WASF2: variants seen among roughly 807,000 people sequenced by gnomAD.
The protein encoded by WASF2 is actin-binding protein WASF2.
A neutral mutation model predicts 45.0 loss-of-function variants in WASF2; 14 were observed. The observed-to-expected ratio is 0.31, with a 90% confidence interval of 0.21 to 0.49. The LOEUF is 0.49. Among genes scored for constraint, WASF2 ranks in the 20% least tolerant of loss-of-function variants. The pLI, the probability that WASF2 is intolerant of heterozygous loss-of-function variation, is 0.99. For missense variants in WASF2, 439 were observed against 636.1 expected, an observed-to-expected ratio of 0.69 and a Z score of 3.33; for synonymous variants, 200 against 236.3, an observed-to-expected ratio of 0.85 and a Z score of 1.41.
At chr1:27,442,379 A>G (rs2017249258) in intron 1 of WASF2, among the ~76,000 whole-genome samples, 1 of 151,936 alleles carries the variant, frequency 6.6e-6, no homozygotes, top group South Asian at 2.1e-4. Context: ...CCCCGTCTCT[A>G]CTAAAAATAC....
rs547081560 is a variant in WASF2, at chr1:27,444,359, C to T, written c.-43-15426G>A. On this transcript the variant is annotated intron_variant, in intron 1 of 8. Coordinates refer to ENST00000618852, the MANE Select transcript of WASF2 (RefSeq NM_006990.5). ...CCTTCCAAAGAGCTGGGATTACAGG[C>T]GTAAACCACCATGGCCAACCTAGGA... Among the ~76,000 whole-genome samples, 17 of 152,252 alleles carry T rather than the reference C, an allele frequency of 1.1e-4. 1 individual carries two copies. The highest frequency in any genetic ancestry group is 3.1e-4 in the African/African-American group (13 of 41,536).
intron 2 of WASF2, among the ~76,000 whole-genome samples, chr1:27,427,675 A>G (rs2017004509): frequency 6.7e-6 from 1 of 148,984 alleles, no homozygotes; most frequent in African/African-American, 2.4e-5. Flanking sequence ...ATCTGGTCAT[A>G]GAGTTCTGTC....
Position 27,409,734 on chromosome 1 carries a change from C to T in WASF2, c.1297G>A (p.Val433Met), listed in dbSNP as rs1471540599. ...AGCAGGTCGCTACGGGCATCGCTCA[C>T]GGCAGGCAAGGAGGACTTGGGCTTG... ...TTKPKSSLPA[V>M]SDARSDLLSA... The change falls in exon 8 of 9, where the codon GTG becomes ATG. Residue 433 changes from valine to methionine, a missense_variant. Coordinates refer to ENST00000618852, the MANE Select transcript of WASF2 (RefSeq NM_006990.5). 2.7e-5 allele frequency: 41 copies of T among 1,516,970 alleles called. No homozygotes were observed. Among genetic ancestry groups the T allele is most frequent in the East Asian group, 1.8e-4 (8 of 43,750 alleles). The allele number at this position is 1,516,970 out of a possible 1,614,324, so 94.0% of individuals were successfully genotyped here.
intron 3 of WASF2, 87 bp downstream of exon 3, chr1:27,418,867 G>GT (rs74321458): frequency 0.14 from 137,859 of 966,856 alleles, 1 homozygote; most frequent in South Asian, 0.19. Context: ...CTCTCCTCAC[G>GT]TTTTTTTTTT....
chr1:27,409,565 C>CT (rs1327769497), intron 8 of WASF2, 127 bp downstream of exon 8: 1 of 1,286,898 alleles, frequency 7.8e-7, no homozygotes, highest in African/African-American at 1.5e-5. Context: ...ATGTCCCAAT[C>CT]TCTCCCCACC....
intron 1 of WASF2, among the ~76,000 whole-genome samples, chr1:27,455,227 C>G (rs921254929): frequency 2.0e-5 from 3 of 152,032 alleles, no homozygotes; most frequent in African/African-American, 7.2e-5. Context: ...AGCACCCCAC[C>G]CCTTTTCATA....
intron 1 of WASF2, among the ~76,000 whole-genome samples, chr1:27,487,495 A>ATT (rs1557626404): frequency 2.1e-5 from 2 of 97,068 alleles, no homozygotes; most frequent in Non-Finnish European, 4.0e-5. Context: ...TATATTATAT[A>ATT]ATATTATAAT....
intron 1 of WASF2, among the ~76,000 whole-genome samples, chr1:27,473,065 A>G (rs2017713832): frequency 6.6e-6 from 1 of 151,980 alleles, no homozygotes; most frequent in South Asian, 2.1e-4. Flanking sequence ...ACAGAATGGG[A>G]GAAAATCTTT....
At chr1:27,431,668 A>C (rs2148113436) in intron 1 of WASF2, among the ~76,000 whole-genome samples, 2 of 152,314 alleles carry the variant, frequency 1.3e-5, no homozygotes, top group South Asian at 4.1e-4. Flanking sequence ...CCCTCTGGAT[A>C]CCTAATGGAA....
At chr1:27,444,075 G>T (rs1322979365) in intron 1 of WASF2, among the ~76,000 whole-genome samples, 1 of 152,108 alleles carries the variant, frequency 6.6e-6, no homozygotes, top group Non-Finnish European at 1.5e-5. Context: ...CACCGCGCCT[G>T]GCCTTAGTTG....
intron 1 of WASF2, among the ~76,000 whole-genome samples, chr1:27,432,647 C>CTAAAA (rs2017082221): frequency 3.9e-5 from 2 of 51,384 alleles, no homozygotes; most frequent in African/African-American, 8.9e-5. Flanking sequence ...AACTCTGTCT[C>CTAAAA]AAAAAAAAAA....
chr1:27,425,351 G>A (rs565452219), intron 2 of WASF2, among the ~76,000 whole-genome samples: 1 of 152,284 alleles, frequency 6.6e-6, no homozygotes, highest in South Asian at 2.1e-4. Flanking sequence ...GCCTCCTAGA[G>A]TACTGGGATT....
intron 2 of WASF2, among the ~76,000 whole-genome samples, chr1:27,421,202 A>G (rs1557599326): frequency 1.3e-5 from 2 of 152,240 alleles, no homozygotes; most frequent in Non-Finnish European, 2.9e-5. Context: ...TTGGCTGACA[A>G]GCATTTCTAC....
intron 1 of WASF2, among the ~76,000 whole-genome samples, chr1:27,448,773 C>A (rs1371685442): frequency 2.1e-5 from 3 of 141,446 alleles, no homozygotes; most frequent in African/African-American, 8.0e-5. Context: ...ACCTGTGAGG[C>A]GGAGGTAGCA....
At chr1:27,442,442 G>A (rs1045735719) in intron 1 of WASF2, among the ~76,000 whole-genome samples, 1 of 151,936 alleles carries the variant, frequency 6.6e-6, no homozygotes, top group Non-Finnish European at 1.5e-5. Flanking sequence ...TACTCAGGAG[G>A]CTGAGGCAGA....
chr1:27,480,972 A>C (rs1037913525), intron 1 of WASF2, among the ~76,000 whole-genome samples: 1 of 151,826 alleles, frequency 6.6e-6, no homozygotes, highest in African/African-American at 2.4e-5. Context: ...TGGGAGGCAG[A>C]GCTTGCAGTG....
chr1:27,470,991 C>G (rs2017679824), intron 1 of WASF2, among the ~76,000 whole-genome samples: 1 of 152,054 alleles, frequency 6.6e-6, no homozygotes, highest in African/African-American at 2.4e-5. Flanking sequence ...GGTACTGGAG[C>G]TGAGAGGCAA....
Position 27,413,843 on chromosome 1 carries a change from G to A in WASF2, c.668+990C>T, listed in dbSNP as rs1377914074. On this transcript the variant is annotated intron_variant, in intron 6 of 8. Transcript: ENST00000618852. ...TGTCCCCCTTTACTGGGAGGTGAAG[G>A]TAATGAAGGTACCCTCAGGGCTGAT... Among the ~76,000 whole-genome samples, 5 of 152,276 alleles carry A rather than the reference G, an allele frequency of 3.3e-5. No homozygotes were observed. The South Asian group carries it at 8.3e-4, about 25-fold the overall frequency.
intron 1 of WASF2, among the ~76,000 whole-genome samples, chr1:27,473,039 A>C (rs1036433349): frequency 4.0e-5 from 6 of 151,892 alleles, no homozygotes; most frequent in Non-Finnish European, 7.4e-5. Context: ...GATCATGAAA[A>C]GTGAAAAGAC....
Sources: gnomAD v4.1 joint callset for allele counts (sites outside exome capture counted in the v4.1 genomes callset) on GRCh38, gnomAD v4.1.1 for gene constraint, MANE v1.5 for transcripts, NCBI Gene and HGNC (gene_info 2026-07-23, HGNC 2026-07-21) for gene names.